NFIA: variants seen among roughly 807,000 people sequenced by gnomAD.
NFIA encodes the protein nuclear factor 1 A-type.
NFIA carries 8 observed loss-of-function variants against 62.8 expected under a neutral mutation model. The ratio of observed to expected loss-of-function variants is 0.13; its 90% CI spans 0.07 to 0.23. NFIA has a LOEUF of 0.23. Ranked by LOEUF, NFIA falls within the 10% of genes least tolerant of loss-of-function variation. The pLI, the probability that NFIA is intolerant of heterozygous loss-of-function variation, is 1.00. For missense variants in NFIA, 410 were observed against 642.1 expected, an observed-to-expected ratio of 0.64 and a Z score of 3.91; for synonymous variants, 235 against 238.1, an observed-to-expected ratio of 0.99 and a Z score of 0.12.
In NFIA at chr1:61,455,449, A is replaced by G. The variant is rs1286428224; in HGVS notation, c.*129A>G. The G allele has an allele frequency of 5.5e-6, 8 of 1,460,048 alleles. No homozygotes were observed. The East Asian group carries it at 1.4e-4, about 25-fold the overall frequency. 90.4% of individuals were successfully genotyped at this position (1,460,048 alleles called of 1,614,324 possible). A position where few individuals can be genotyped will look rare whatever the true frequency, so the allele number is the denominator to read the frequency against. On this transcript the variant is annotated 3_prime_UTR_variant, in exon 11 of 11. Coordinates refer to ENST00000403491, the MANE Select transcript of NFIA (RefSeq NM_001134673.4). ...GCGGAAGGGGAGAAAAACCGATTCAAATCAACTTGTACATGGAAACAGCAA... is the reference window on the plus strand; with the variant it reads ...GCGGAAGGGGAGAAAAACCGATTCAGATCAACTTGTACATGGAAACAGCAA...
At chr1:61,393,033 C>A (rs1665061762) in intron 7 of NFIA, among the ~76,000 whole-genome samples, 1 of 151,942 alleles carries the variant, frequency 6.6e-6, no homozygotes, top group Non-Finnish European at 1.5e-5. Flanking sequence ...TTCTTAGAAA[C>A]CCCCTCATTT....
At position 61,313,008 on chromosome 1, in the gene NFIA, T is replaced by C. The variant is rs143747695; in HGVS notation, c.626-19504T>C. 1.5e-3 allele frequency among the ~76,000 whole-genome samples: 221 copies of C among 152,306 alleles called. 4 individuals carry two copies. The highest frequency in any genetic ancestry group is 6.4e-3 in the East Asian group (33 of 5,186). On this transcript the variant is annotated intron_variant, in intron 3 of 10. Coordinates refer to ENST00000403491, the MANE Select transcript of NFIA (RefSeq NM_001134673.4). ...TGGTGTCGCTTTATCCTTGCACATATGAACAGAAATATAGTAAATTAAGTA... is the reference window on the plus strand; with the variant it reads ...TGGTGTCGCTTTATCCTTGCACATACGAACAGAAATATAGTAAATTAAGTA...
intron 2 of NFIA, among the ~76,000 whole-genome samples, chr1:61,191,716 A>C (rs1651638114): frequency 6.6e-6 from 1 of 151,822 alleles, no homozygotes; most frequent in South Asian, 2.1e-4. Flanking sequence ...CCCCTCCCCT[A>C]CCCTACATCC....
At chr1:61,188,192 G>A (rs1651345894) in intron 2 of NFIA, among the ~76,000 whole-genome samples, 1 of 152,006 alleles carries the variant, frequency 6.6e-6, no homozygotes, top group Non-Finnish European at 1.5e-5. Context: ...GACCACAGGT[G>A]CGCGCCCCCA....
chr1:61,080,046 G>A (rs1646077097), upstream of NFIA, among the ~76,000 whole-genome samples: 2 of 152,234 alleles, frequency 1.3e-5, no homozygotes, highest in East Asian at 3.9e-4. Flanking sequence ...AGCGGGAGCT[G>A]GCGGAGATAG....
At chr1:61,426,020 C>T (rs539456215) in intron 9 of NFIA, among the ~76,000 whole-genome samples, 29 of 152,278 alleles carry the variant, frequency 1.9e-4, no homozygotes, top group Middle Eastern at 3.4e-3. Context: ...AGGCACAGGA[C>T]CATTTCATGA....
At chr1:61,100,193 T>C (rs1646484055) in intron 2 of NFIA, among the ~76,000 whole-genome samples, 2 of 152,324 alleles carry the variant, frequency 1.3e-5, no homozygotes, top group African/African-American at 4.8e-5. Context: ...CAAACCTTCT[T>C]TTTTACATTT....
intron 2 of NFIA, among the ~76,000 whole-genome samples, chr1:61,197,805 C>A (rs1157633115): frequency 7.0e-6 from 1 of 142,274 alleles, no homozygotes; most frequent in Non-Finnish European, 1.5e-5. Context: ...TATAGTGAAA[C>A]CCCATCTCTA....
upstream of NFIA, chr1:61,077,672 A>G: frequency 7.3e-7 from 1 of 1,365,850 alleles, no homozygotes; most frequent in Non-Finnish European, 9.7e-7. Context: ...TTTATATGAT[A>G]TGCGTTTTAT....
At chr1:61,264,413 G>A (rs1657003858) in intron 2 of NFIA, among the ~76,000 whole-genome samples, 1 of 151,940 alleles carries the variant, frequency 6.6e-6, no homozygotes, top group Non-Finnish European at 1.5e-5. Context: ...GGAGGCTGAG[G>A]CGGGTGGATT....
chr1:61,457,523 G>T lies in NFIA; in HGVS notation c.*2203G>T, dbSNP rs1170273375. On this transcript the variant is annotated 3_prime_UTR_variant, in exon 11 of 11. Transcript: ENST00000403491. The surrounding 1 kb of genome is among the most constrained non-coding windows in gnomAD (Gnocchi z 4.2). ...GAATATCAGTATTTTGGATGTTGCT[G>T]CATTTTACAATTTATTTGGAGTCTT... The T allele has an allele frequency of 2.6e-5, 4 of 152,126 alleles. No individual in the cohort carries two copies. The highest frequency in any genetic ancestry group is 5.9e-5 in the Non-Finnish European group (4 of 68,024). The allele number at this position is 152,126 out of a possible 1,614,324, so 9.4% of individuals were successfully genotyped here.
intron 4 of NFIA, among the ~76,000 whole-genome samples, chr1:61,341,693 G>A (rs982993922): frequency 2.6e-5 from 4 of 152,132 alleles, no homozygotes; most frequent in African/African-American, 7.2e-5. Context: ...GCCCAGGCTC[G>A]TCTCGAACTC....
chr1:61,098,222 A>T (rs1218683314), intron 2 of NFIA, among the ~76,000 whole-genome samples: 1 of 152,206 alleles, frequency 6.6e-6, no homozygotes, highest in African/African-American at 2.4e-5. Context: ...ACACATTAAC[A>T]TGTTGCTGAT....
At chr1:61,176,581 A>T (rs1249302265) in intron 2 of NFIA, among the ~76,000 whole-genome samples, 3 of 152,074 alleles carry the variant, frequency 2.0e-5, no homozygotes, top group African/African-American at 7.2e-5. Context: ...TATTTTTAAA[A>T]ATTCTTTCTT....
At chr1:61,311,845 G>A (rs570529123) in intron 3 of NFIA, among the ~76,000 whole-genome samples, 1 of 152,194 alleles carries the variant, frequency 6.6e-6, no homozygotes, top group South Asian at 2.1e-4. Context: ...TGAGTATTCT[G>A]TAAGCTCTTA....
chr1:61,265,316 T>C (rs990164682), intron 2 of NFIA, among the ~76,000 whole-genome samples: 1 of 152,244 alleles, frequency 6.6e-6, no homozygotes, highest in Non-Finnish European at 1.5e-5. Flanking sequence ...AACTTAGCAC[T>C]GCATATGTCA....
chr1:61,176,697 A>T (rs1268935991), intron 2 of NFIA, among the ~76,000 whole-genome samples: 1 of 152,168 alleles, frequency 6.6e-6, no homozygotes, highest in African/African-American at 2.4e-5. Flanking sequence ...AAGAACTACT[A>T]TAAAATGATA....
chr1:61,153,658 T>A (rs1023867305), intron 2 of NFIA, among the ~76,000 whole-genome samples: 3 of 152,206 alleles, frequency 2.0e-5, no homozygotes, highest in African/African-American at 7.2e-5. Flanking sequence ...GTGTATAGTT[T>A]TTGTTTGAAG....
intron 2 of NFIA, among the ~76,000 whole-genome samples, chr1:61,190,896 G>A (rs1401772551): frequency 6.6e-6 from 1 of 152,124 alleles, no homozygotes; most frequent in Non-Finnish European, 1.5e-5. Flanking sequence ...TCTTCTGGCA[G>A]TTTTTAAATT....
Sources: allele counts gnomAD v4.1 joint callset (sites outside exome capture counted in the v4.1 genomes callset), GRCh38; gene constraint gnomAD v4.1.1; non-coding constraint Gnocchi (gnomAD v3.1); transcripts MANE v1.5; gene names NCBI Gene and HGNC (gene_info 2026-07-23, HGNC 2026-07-21).